NGLY1: variants seen among roughly 807,000 people sequenced by gnomAD.
NGLY1 encodes peptide-N(4)-(N-acetyl-beta-glucosaminyl)asparagine amidase.
In NGLY1, 68 loss-of-function variants were observed where a neutral mutation model predicts 84.6. That is an observed-to-expected ratio of 0.80 (90% CI 0.66 to 0.98). NGLY1 has a LOEUF of 0.98. NGLY1 is among the 50% of genes least tolerant of loss of function. NGLY1 has a pLI of 0.00. For synonymous variants in NGLY1, 280 were observed against 275.2 expected, an observed-to-expected ratio of 1.02 and a Z score of -0.17; for missense variants, 779 against 770.2, an observed-to-expected ratio of 1.01 and a Z score of -0.14.
chr3:25,728,703 A>C (rs1705385384), intron 10 of NGLY1, among the ~76,000 whole-genome samples: 1 of 152,114 alleles, frequency 6.6e-6, no homozygotes, highest in Non-Finnish European at 1.5e-5. Context: ...TAGCTTTCTG[A>C]AACTTTGAAC....
intron 3 of NGLY1, among the ~76,000 whole-genome samples, chr3:25,759,103 T>G (rs772258422): frequency 7.9e-5 from 12 of 152,086 alleles, no homozygotes; most frequent in Non-Finnish European, 1.6e-4. Context: ...AGGTCCAAGA[T>G]GGGGCACTGT....
chr3:25,789,289 AT>A (rs958178205), intron 1 of NGLY1, among the ~76,000 whole-genome samples: 10 of 151,442 alleles, frequency 6.6e-5, no homozygotes, highest in Non-Finnish European at 1.3e-4. Context: ...TCTGGTGATA[AT>A]TTTTTTTTAA....
chr3:25,786,857 A>G (rs1708617563), upstream of NGLY1, among the ~76,000 whole-genome samples: 1 of 152,262 alleles, frequency 6.6e-6, no homozygotes, highest in South Asian at 2.1e-4. Flanking sequence ...GTGCATGTGT[A>G]CTATCAAATG....
intron 3 of NGLY1, chr3:25,755,065 G>A: frequency 1.4e-6 from 2 of 1,417,416 alleles, no homozygotes; most frequent in South Asian, 2.3e-5. Context: ...TCCGAAATGT[G>A]ACTACAATTC....
chr3:25,763,407 A>G (rs574976998), intron 3 of NGLY1, among the ~76,000 whole-genome samples: 42 of 152,240 alleles, frequency 2.8e-4, no homozygotes, highest in Non-Finnish European at 5.6e-4. Context: ...AAAGATGTTA[A>G]GTGAGCTTCT....
intron 2 of NGLY1, among the ~76,000 whole-genome samples, chr3:25,771,988 T>C (rs1439307157): frequency 1.3e-5 from 2 of 152,206 alleles, no homozygotes; most frequent in Non-Finnish European, 2.9e-5. Flanking sequence ...AGCAACAGTC[T>C]ATTCCTCTTT....
rs1706153943 is a variant in NGLY1, at chr3:25,741,667, G to GA, written c.659-1869dup. On this transcript the variant is annotated intron_variant, in intron 4 of 11. Coordinates refer to ENST00000280700, the MANE Select transcript of NGLY1 (RefSeq NM_018297.4). ...AAGCTACACTAAAGAACTCTGGGAGGAAAAATTTGTAACATGTCTAACAAA... is the reference window on the plus strand; with the variant it reads ...AAGCTACACTAAAGAACTCTGGGAGGAAAAAATTTGTAACATGTCTAACAAA... Among the ~76,000 whole-genome samples the GA allele has an allele frequency of 2.6e-5, 4 of 152,102 alleles. 1 individual carries two copies. Among genetic ancestry groups the GA allele is most frequent in the African/African-American group, 7.2e-5 (3 of 41,494 alleles).
At position 25,739,609 on chromosome 3, in the gene NGLY1, A is replaced by C. The variant is rs1706021603; in HGVS notation, c.849T>G (p.Cys283Trp). Residue 283 changes from cysteine (C) to tryptophan (W), a missense_variant, in exon 5 of 12, where the codon TGT (cysteine) becomes TGG (tryptophan). Transcript: ENST00000280700. ...ATCGATTGCTGAACTGGCAGGCATC[A>C]CAGTAATGATCTTCCACTTCCTTTG... is the stretch of plus-strand genomic sequence containing the variant. ...WGAKEVEDHY[C>W]DACQFSNRFP... is the part of the protein sequence containing the mutation. 2.5e-6 allele frequency: 4 copies of C among 1,614,162 alleles called. No individual in the cohort carries two copies. Among genetic ancestry groups the C allele is most frequent in the Non-Finnish European group, 3.4e-6 (4 of 1,180,008 alleles).
At position 25,751,224 on chromosome 3, in the gene NGLY1, T is replaced by G; in HGVS notation, c.532A>C (p.Asn178His). 1 of 1,606,196 alleles carries G rather than the reference T, an allele frequency of 6.2e-7. No homozygotes were observed. Among genetic ancestry groups the G allele is most frequent in the Non-Finnish European group, 8.5e-7 (1 of 1,176,576 alleles). ...TCATAGACCAGCACATGCTGAATGT[T>G]GGACTGAAGAACTTCTAGAATGGCT... ...DSAILEVLQS[N>H]IQHVLVYENP... is the part of the protein sequence containing the mutation. Residue 178 changes from asparagine to histidine, a missense_variant, in exon 4 of 12, where the codon AAC (asparagine) becomes CAC (histidine). Coordinates refer to ENST00000280700, the MANE Select transcript of NGLY1 (RefSeq NM_018297.4).
In NGLY1 at chr3:25,736,127, A is replaced by G. The variant is rs749786794; in HGVS notation, c.1026T>C (p.Tyr342=). 2.5e-6 allele frequency: 4 copies of G among 1,613,756 alleles called. 1 individual carries two copies. The highest frequency in any genetic ancestry group is 2.5e-6 in the Non-Finnish European group (3 of 1,179,850). Residue 342 remains tyrosine (Y), a synonymous_variant, in exon 7 of 12, where the codon TAT becomes TAC. Transcript: ENST00000280700. Reference sequence around the variant, plus strand: ...GCAGCCACCGCTGCTGAGAAGGAGAATAGACTTCTGTCCAGACATGGTCTA... The same window carrying G: ...GCAGCCACCGCTGCTGAGAAGGAGAGTAGACTTCTGTCCAGACATGGTCTA... The part of the protein sequence containing the change: ...DYTDHVWTEV[Y]SPSQQRWLHC...
At position 25,739,716 on chromosome 3, in the gene NGLY1, C is replaced by G; in HGVS notation, c.742G>C (p.Val248Leu). The G allele has an allele frequency of 6.2e-7, 1 of 1,614,046 alleles. No homozygotes were observed. Among genetic ancestry groups the G allele is most frequent in the Non-Finnish European group, 8.5e-7 (1 of 1,179,998 alleles). Residue 248 changes from valine to leucine, a missense_variant, in exon 5 of 12, where the codon GTT becomes CTT. Val to Leu is a conservative substitution (Grantham distance 32). Transcript: ENST00000280700. The part of the protein sequence containing the change: ...KEEFFHWVNN[V>L]LCSKCGGQTR... ...TGTCCACCACATTTGCTGCACAAAA[C>G]GTTATTCACCCAGTGAAAAAATTCT...
intron 4 of NGLY1, among the ~76,000 whole-genome samples, chr3:25,742,349 T>C (rs1226210093): frequency 6.6e-6 from 1 of 152,200 alleles, no homozygotes; most frequent in African/African-American, 2.4e-5. Context: ...TAAATAATAG[T>C]GTATGTACAA....
chr3:25,778,312 C>A (rs1575665866), intron 2 of NGLY1: 1 of 258,324 alleles, frequency 3.9e-6, no homozygotes, highest in East Asian at 7.8e-5. Flanking sequence ...CACATTTGGT[C>A]CTTGGGTTGC....
intron 4 of NGLY1, among the ~76,000 whole-genome samples, chr3:25,744,768 T>C (rs1314048365): frequency 6.6e-6 from 1 of 152,182 alleles, no homozygotes. Context: ...AGATAAAACC[T>C]TTATGCCTTT....
At chr3:25,733,724 A>G in intron 8 of NGLY1, 148 bp downstream of exon 8, 2 of 423,022 alleles carry the variant, frequency 4.7e-6, no homozygotes, top group Non-Finnish European at 4.0e-6. Context: ...GAATATTTTT[A>G]TTCTTTAATA....
intron 4 of NGLY1, among the ~76,000 whole-genome samples, chr3:25,741,226 T>C (rs1363585692): frequency 6.6e-6 from 1 of 150,728 alleles, no homozygotes; most frequent in Non-Finnish European, 1.5e-5. Flanking sequence ...TGAGCAAGAA[T>C]CATAAGGTAA....
intron 9 of NGLY1, chr3:25,729,876 C>T (rs1051297113): frequency 6.6e-6 from 1 of 152,186 alleles, no homozygotes; most frequent in Non-Finnish European, 1.5e-5. Context: ...ACACTCACAT[C>T]ACATTACTTT....
chr3:25,762,616 G>T (rs911707466), intron 3 of NGLY1, among the ~76,000 whole-genome samples: 1 of 152,150 alleles, frequency 6.6e-6, no homozygotes, highest in Non-Finnish European at 1.5e-5. Flanking sequence ...TGACGGACAG[G>T]ATTTTAAAGA....
chr3:25,737,448 T>C lies in NGLY1; in HGVS notation c.889A>G (p.Asn297Asp). 6.3e-7 allele frequency: 1 copy of C among 1,597,868 alleles called. No homozygotes were observed. The change falls in exon 6 of 12, where the codon AAC becomes GAC. Residue 297 changes from asparagine (N) to aspartate (D), a missense_variant. By Grantham distance (23) the Asn-to-Asp change is conservative (BLOSUM62 1). Coordinates refer to ENST00000280700, the MANE Select transcript of NGLY1 (RefSeq NM_018297.4). ...QFSNRFPRYN[N>D]PEKLLETRCG... ...CTTGTTTCCAAAAGTTTCTCAGGGT[T>C]ATTATATCTGGTTTAAAAAGAAAAA...
Sources: allele counts gnomAD v4.1 joint callset (sites outside exome capture counted in the v4.1 genomes callset), GRCh38; gene constraint gnomAD v4.1.1; transcripts MANE v1.5; gene names NCBI Gene and HGNC (gene_info 2026-07-23, HGNC 2026-07-21).